Variants in NECTIN3 observed in about 807,000 individuals in gnomAD.
The protein encoded by NECTIN3 is nectin-3.
NECTIN3 carries 8 observed loss-of-function variants against 49.4 expected under a neutral mutation model. The observed-to-expected ratio is 0.16, with a 90% confidence interval of 0.10 to 0.29. The LOEUF (loss-of-function observed/expected upper bound fraction) is 0.29. NECTIN3 is among the 10% of genes least tolerant of loss of function. NECTIN3 has a pLI of 1.00. For synonymous variants in NECTIN3, 277 were observed against 241.1 expected (o/e 1.15, Z -1.38); for missense variants, 581 against 654.6 (o/e 0.89, Z 1.23).
chr3:111,125,062 C>G (rs1159889991), intron 4 of NECTIN3, among the ~76,000 whole-genome samples: 2 of 135,828 alleles, frequency 1.5e-5, no homozygotes, highest in East Asian at 4.2e-4. Context: ...AGAGTCTCAC[C>G]CTGTCACCCA....
intron 1 of NECTIN3, among the ~76,000 whole-genome samples, chr3:111,101,291 T>A (rs556975405): frequency 6.6e-6 from 1 of 152,134 alleles, no homozygotes; most frequent in Admixed American, 6.6e-5. Context: ...TGTTTGAGAA[T>A]AGATGATGAA....
At chr3:111,104,037 G>A (rs145242764) in intron 1 of NECTIN3, among the ~76,000 whole-genome samples, 1 of 152,142 alleles carries the variant, frequency 6.6e-6, no homozygotes, top group African/African-American at 2.4e-5. Context: ...AAAGACACAG[G>A]AATGATATGG....
rs73229192 is a variant in NECTIN3, at chr3:111,136,673, G to C, written c.*2458G>C. 1,653 of 910,576 alleles carry C rather than the reference G, an allele frequency of 1.8e-3. 2 individuals are homozygous for C. The highest frequency in any genetic ancestry group is 2.1e-3 in the Non-Finnish European group (1,583 of 762,626). The allele number at this position is 910,576 out of a possible 1,614,324, so 56.4% of individuals were successfully genotyped here. On this transcript the variant is annotated 3_prime_UTR_variant, in exon 6 of 6. Transcript: ENST00000485303. ...AGGTATATATGAAAATTCTACTATCGTGAAAAAAAATGAATATTTGTACTA... is the reference window on the plus strand; with the variant it reads ...AGGTATATATGAAAATTCTACTATCCTGAAAAAAAATGAATATTTGTACTA...
At chr3:111,099,429 C>T (rs1459046864) in intron 1 of NECTIN3, among the ~76,000 whole-genome samples, 1 of 152,108 alleles carries the variant, frequency 6.6e-6, no homozygotes, top group South Asian at 2.1e-4. Flanking sequence ...GTCACTGTAG[C>T]CATAACGTTC....
intron 7 of NECTIN3, among the ~76,000 whole-genome samples, chr3:111,175,818 C>T (rs1017890379): frequency 1.3e-5 from 2 of 152,164 alleles, no homozygotes; most frequent in Non-Finnish European, 2.9e-5. Flanking sequence ...CAGCCAGGGT[C>T]ACCCAGAGGG....
chr3:111,130,255 C>T (rs539669055), intron 5 of NECTIN3, among the ~76,000 whole-genome samples: 10 of 140,750 alleles, frequency 7.1e-5, no homozygotes, highest in African/African-American at 3.2e-4. Flanking sequence ...CGCACCTAGC[C>T]GAGAATGTTT....
At chr3:111,160,537 C>T (rs2035188522) in intron 7 of NECTIN3, among the ~76,000 whole-genome samples, 1 of 152,078 alleles carries the variant, frequency 6.6e-6, no homozygotes, top group Non-Finnish European at 1.5e-5. Context: ...CAGTATCTTG[C>T]TATTTTTACC....
chr3:111,168,158 G>A (rs2035356826), intron 7 of NECTIN3, among the ~76,000 whole-genome samples: 1 of 152,094 alleles, frequency 6.6e-6, no homozygotes, highest in Non-Finnish European at 1.5e-5. Context: ...TGGATGAACA[G>A]CCAGATAAGG....
intron 1 of NECTIN3, among the ~76,000 whole-genome samples, chr3:111,110,270 CA>C (rs1399896070): frequency 6.6e-6 from 1 of 151,744 alleles, no homozygotes; most frequent in African/African-American, 2.4e-5. Flanking sequence ...TTTTAATACC[CA>C]TGCCTCTTTC....
intron 7 of NECTIN3, among the ~76,000 whole-genome samples, chr3:111,150,002 G>A (rs2034966674): frequency 3.3e-5 from 5 of 151,868 alleles, no homozygotes; most frequent in South Asian, 2.1e-4. Context: ...ATGATCTAGG[G>A]AACTTTTTTA....
At chr3:111,144,790 C>G (rs1196680236) in intron 5 of NECTIN3, 1 of 1,276,448 alleles carries the variant, frequency 7.8e-7, no homozygotes, top group Non-Finnish European at 1.0e-6. Context: ...TAACCTGGCT[C>G]TTGGATAACA....
At chr3:111,089,328 A>G (rs1247014656) in intron 1 of NECTIN3, among the ~76,000 whole-genome samples, 1 of 150,256 alleles carries the variant, frequency 6.7e-6, no homozygotes, top group African/African-American at 2.5e-5. Flanking sequence ...ACTTATTTTT[A>G]TTTGGAGAGG....
intron 1 of NECTIN3, among the ~76,000 whole-genome samples, chr3:111,084,918 A>T (rs1651230543): frequency 6.6e-6 from 1 of 152,208 alleles, no homozygotes; most frequent in South Asian, 2.1e-4. Flanking sequence ...ATTCTCTCAC[A>T]GTTCTGGAGC....
chr3:111,154,446 A>C (rs2107515095), intron 7 of NECTIN3, among the ~76,000 whole-genome samples: 1 of 152,308 alleles, frequency 6.6e-6, no homozygotes. Context: ...ATTACAAACA[A>C]AGTTGCTATG....
intron 1 of NECTIN3, among the ~76,000 whole-genome samples, chr3:111,096,520 G>A (rs1259422499): frequency 3.3e-5 from 5 of 152,164 alleles, no homozygotes; most frequent in East Asian, 1.9e-4. Context: ...TGGGGAAAAC[G>A]TCTCCATGCC....
chr3:111,173,720 G>A (rs111737452), intron 7 of NECTIN3, among the ~76,000 whole-genome samples: 1 of 152,006 alleles, frequency 6.6e-6, no homozygotes, highest in Non-Finnish European at 1.5e-5. Context: ...TATCCACACG[G>A]CTATCCTTTC....
intron 1 of NECTIN3, among the ~76,000 whole-genome samples, chr3:111,081,581 A>G (rs1003643680): frequency 2.0e-4 from 31 of 152,362 alleles, no homozygotes; most frequent in African/African-American, 7.2e-4. Context: ...CAAACAATAC[A>G]GTGAACAAAA....
chr3:111,082,793 A>G (rs1179441570), intron 1 of NECTIN3, among the ~76,000 whole-genome samples: 2 of 152,204 alleles, frequency 1.3e-5, no homozygotes, highest in African/African-American at 2.4e-5. Flanking sequence ...TAATTATACA[A>G]TTCACCATAA....
chr3:111,101,552 A>G (rs1332246055), intron 1 of NECTIN3, among the ~76,000 whole-genome samples: 1 of 152,140 alleles, frequency 6.6e-6, no homozygotes, highest in Non-Finnish European at 1.5e-5. Context: ...GTAAACCTTT[A>G]TTTAGAAAGG....
Sources: allele counts gnomAD v4.1 joint callset (sites outside exome capture counted in the v4.1 genomes callset), GRCh38; gene constraint gnomAD v4.1.1; transcripts MANE v1.5; gene names NCBI Gene and HGNC (gene_info 2026-07-23, HGNC 2026-07-21).